POMP: variants seen among roughly 807,000 people sequenced by gnomAD.
POMP encodes the protein 2510048O06Rik.
In POMP, 12 loss-of-function variants were observed where a neutral mutation model predicts 20.6. The observed-to-expected ratio is 0.58, with a 90% CI of 0.37 to 0.94. The LOEUF (loss-of-function observed/expected upper bound fraction) is 0.94, where lower values mean the gene tolerates loss of function less well. Among genes scored for constraint, POMP ranks in the 40% least tolerant of loss-of-function variants. The pLI is 0.01. For synonymous variants in POMP, 53 were observed against 55.0 expected (o/e 0.96, Z 0.16); for missense variants, 136 against 161.1 (o/e 0.84, Z 0.84).
chr13:28,674,720 A>G (rs531068234), intron 5 of POMP, among the ~76,000 whole-genome samples: 3 of 152,272 alleles, frequency 2.0e-5, no homozygotes, highest in South Asian at 2.1e-4. Context: ...TAAGGATGTA[A>G]TGTGATGGAA....
chr13:28,665,383 A>G (rs1391878089), intron 3 of POMP, among the ~76,000 whole-genome samples: 1 of 152,236 alleles, frequency 6.6e-6, no homozygotes, highest in Non-Finnish European at 1.5e-5. Context: ...AGAACAAATA[A>G]TGTAATTATG....
intron 3 of POMP, 56 bp from the exon 4 acceptor site, chr13:28,668,417 C>T (rs1884483472): frequency 7.9e-7 from 1 of 1,263,192 alleles, no homozygotes; most frequent in Non-Finnish European, 1.2e-6. Context: ...CCACTGCTAA[C>T]TGTTTTGAAA....
chr13:28,660,981 C>A (rs571983382), intron 1 of POMP, among the ~76,000 whole-genome samples: 2 of 152,006 alleles, frequency 1.3e-5, no homozygotes, highest in African/African-American at 2.4e-5. Flanking sequence ...GTGAAGAAAC[C>A]CTGCAAAGGA....
chr13:28,666,218 A>G (rs2137793270), intron 3 of POMP, among the ~76,000 whole-genome samples: 1 of 152,298 alleles, frequency 6.6e-6, no homozygotes, highest in African/African-American at 2.4e-5. Flanking sequence ...GGGTAAAGTG[A>G]CTTGCTCTGT....
In POMP at chr13:28,678,253, G is replaced by A; in HGVS notation, c.*151G>A. ...CATTTAAAATTTGGAGGGGTCTTTG[G>A]TTTACAGCCATGTGACAATTAAAAG... is the stretch of plus-strand genomic sequence containing the variant. On this transcript the variant is annotated 3_prime_UTR_variant, in exon 6 of 6. Transcript: ENST00000380842. 1 of 742,798 alleles carries A rather than the reference G, an allele frequency of 1.3e-6. No homozygotes were observed. Among genetic ancestry groups the A allele is most frequent in the South Asian group, 1.5e-5 (1 of 67,248 alleles). The allele number at this position is 742,798 out of a possible 1,614,324, so 46.0% of individuals were successfully genotyped here. A position where few individuals can be genotyped will look rare whatever the true frequency, so the allele number is the denominator to read the frequency against.
chr13:28,666,015 A>G (rs777821855), intron 3 of POMP, among the ~76,000 whole-genome samples: 1 of 152,210 alleles, frequency 6.6e-6, no homozygotes, highest in Non-Finnish European at 1.5e-5. Context: ...ACTTGTGGGC[A>G]ACCAAAGAAA....
At chr13:28,663,393 C>T (rs1884382485) in intron 2 of POMP, among the ~76,000 whole-genome samples, 1 of 152,184 alleles carries the variant, frequency 6.6e-6, no homozygotes. Context: ...TCATCGCAGC[C>T]TCCGCCTCCC....
At chr13:28,666,366 C>G (rs370234035) in intron 3 of POMP, among the ~76,000 whole-genome samples, 119 of 152,224 alleles carry the variant, frequency 7.8e-4, no homozygotes, top group African/African-American at 2.7e-3. Context: ...TATTATTTTC[C>G]TGTGTATTAG....
chr13:28,674,764 T>C (rs113290060), intron 5 of POMP, among the ~76,000 whole-genome samples: 3,861 of 152,244 alleles, frequency 0.025, 158 homozygotes, highest in African/African-American at 0.089. Flanking sequence ...GCTGGCTGGA[T>C]GTGGTGGCTC....
intron 4 of POMP, 29 bp downstream of exon 4, chr13:28,668,603 T>C: frequency 6.8e-7 from 1 of 1,468,804 alleles, no homozygotes; most frequent in South Asian, 1.1e-5. Context: ...GTTGCATATG[T>C]GTCGATATCA....
chr13:28,677,039 T>G (rs1243241095), intron 5 of POMP, among the ~76,000 whole-genome samples: 1 of 152,212 alleles, frequency 6.6e-6, no homozygotes, highest in East Asian at 1.9e-4. Context: ...ATGAGTATAT[T>G]CTTTGTGCAA....
intron 3 of POMP, among the ~76,000 whole-genome samples, chr13:28,665,595 A>G (rs751908569): frequency 1.4e-4 from 21 of 152,346 alleles, no homozygotes; most frequent in Admixed American, 7.2e-4. Flanking sequence ...CCACTTTTGT[A>G]TAAAGGATCT....
chr13:28,666,847 C>G (rs923113633), intron 3 of POMP, among the ~76,000 whole-genome samples: 2 of 152,122 alleles, frequency 1.3e-5, no homozygotes, highest in African/African-American at 4.8e-5. Flanking sequence ...CTGCCCCCTA[C>G]AAGGGAACAG....
chr13:28,678,366 A>G lies in POMP; in HGVS notation c.*264A>G. On this transcript the variant is annotated 3_prime_UTR_variant, in exon 6 of 6. Transcript: ENST00000380842. ...AAAAGTTGTTGCTCATGAATATTAT[A>G]AAATGATCTACAGGTTTCAATTCAA... The G allele has an allele frequency of 2.4e-6, 1 of 419,656 alleles. No individual in the cohort carries two copies. The highest frequency in any genetic ancestry group is 4.3e-6 in the Non-Finnish European group (1 of 230,852). 26.0% of individuals were successfully genotyped at this position (419,656 alleles called of 1,614,324 possible). A position where few individuals can be genotyped will look rare whatever the true frequency, so the allele number is the denominator to read the frequency against.
At chr13:28,668,607 G>A (rs765828524) in intron 4 of POMP, 33 bp downstream of exon 4, 10 of 1,453,354 alleles carry the variant, frequency 6.9e-6, no homozygotes, top group Non-Finnish European at 8.7e-6. Context: ...CATATGTGTC[G>A]ATATCATTCA....
intron 3 of POMP, among the ~76,000 whole-genome samples, chr13:28,665,655 C>G (rs530682035): frequency 6.6e-5 from 10 of 152,344 alleles, no homozygotes; most frequent in African/African-American, 2.4e-4. Flanking sequence ...GAAACTGTTT[C>G]TTAAGTGGAC....
chr13:28,677,748 A>G (rs1884654219), intron 5 of POMP, among the ~76,000 whole-genome samples: 1 of 152,218 alleles, frequency 6.6e-6, no homozygotes, highest in Non-Finnish European at 1.5e-5. Context: ...TTGAGATATT[A>G]TTGACATACA....
intron 5 of POMP, among the ~76,000 whole-genome samples, chr13:28,675,295 C>T (rs964623097): frequency 2.5e-4 from 38 of 152,192 alleles, no homozygotes; most frequent in Non-Finnish European, 3.8e-4. Flanking sequence ...TGCCCACGAC[C>T]ACACCTGCCT....
chr13:28,671,615 C>CAGG (rs1884546823), intron 4 of POMP, among the ~76,000 whole-genome samples: 4 of 151,488 alleles, frequency 2.6e-5, no homozygotes, highest in African/African-American at 9.7e-5. Flanking sequence ...ATTTTTGTTT[C>CAGG]TTCCTCTTCC....
Sources: gnomAD v4.1 joint callset for allele counts (sites outside exome capture counted in the v4.1 genomes callset) on GRCh38, gnomAD v4.1.1 for gene constraint, MANE v1.5 for transcripts, NCBI Gene and HGNC (gene_info 2026-07-23, HGNC 2026-07-21) for gene names.